The following GIT2 variants were observed in gnomAD, a reference collection of about 807,000 sequenced individuals.
GIT2 encodes ARF GTPase-activating protein GIT2.
Under a neutral mutation model 100.3 loss-of-function variants are expected in GIT2, and 32 were observed. That is an observed-to-expected ratio of 0.32 (90% CI 0.24 to 0.43). The LOEUF is 0.43. Among genes scored for constraint, GIT2 ranks in the 20% least tolerant of loss-of-function variants. The pLI, the probability that GIT2 is intolerant of heterozygous loss-of-function variation, is 1.00. For synonymous variants in GIT2, 353 were observed against 364.1 expected, an observed-to-expected ratio of 0.97 and a Z score of 0.35; for missense variants, 737 against 975.1, an observed-to-expected ratio of 0.76 and a Z score of 3.25.
At chr12:109,990,667 G>A (rs1446103425) in intron 2 of GIT2, among the ~76,000 whole-genome samples, 2 of 152,132 alleles carry the variant, frequency 1.3e-5, no homozygotes, top group Non-Finnish European at 2.9e-5. Flanking sequence ...ACAAATGAAG[G>A]CAAAACACAC....
chr12:109,947,358 C>T lies in GIT2; in HGVS notation c.1539G>A (p.Met513Ile). 6.2e-7 allele frequency: 1 copy of T among 1,614,156 alleles called. No homozygotes were observed. The highest frequency in any genetic ancestry group is 8.5e-7 in the Non-Finnish European group (1 of 1,179,992). Residue 513 changes from methionine (M) to isoleucine (I), a missense_variant, in exon 15 of 20, where the codon ATG becomes ATA. Met to Ile is a conservative substitution (Grantham distance 10). Coordinates refer to ENST00000355312, the MANE Select transcript of GIT2 (RefSeq NM_057169.5). The surrounding 1 kb of genome is among the most constrained non-coding windows in gnomAD (Gnocchi z 4.3). ...GACCTGATCCGGTCTCGTACATGGA[C>T]ATGGGCCTACTGCCCCGGGCAGACG... The part of the protein sequence containing the change: ...RRPSARGSRP[M>I]SMYETGSGQK...
At chr12:109,965,707 C>T (rs1279949115) in intron 8 of GIT2, 130 bp from the exon 9 acceptor site, 3 of 783,086 alleles carry the variant, frequency 3.8e-6, no homozygotes, top group Non-Finnish European at 7.0e-6. Flanking sequence ...AAGCATTCTA[C>T]AGCCCAGTAG....
At chr12:109,980,919 G>C (rs80000006) in intron 7 of GIT2, 33 bp downstream of exon 7, 35,400 of 1,301,120 alleles carry the variant, frequency 0.027, 764 homozygotes, top group African/African-American at 0.099. Context: ...TTCCCAACTG[G>C]AGATGTGAAA....
intron 18 of GIT2, among the ~76,000 whole-genome samples, chr12:109,937,788 C>T (rs1219059871): frequency 2.6e-5 from 4 of 152,162 alleles, no homozygotes; most frequent in African/African-American, 7.2e-5. Context: ...CTGCAACCTC[C>T]GCCTCCAGGG....
Position 109,948,338 on chromosome 12 carries a change from C to T in GIT2, c.1393-834G>A, listed in dbSNP as rs1876899091. ...CTTTGGCTTTGTCACCCAAAAAACA[C>T]GACCTCAGTGGTGTCAGCTTTGAAC... On this transcript the variant is annotated intron_variant, in intron 14 of 19. Transcript: ENST00000355312. This position sits in a 1 kb window ranked among gnomAD's most constrained non-coding sequence, Gnocchi z 4.3. The T allele has an allele frequency of 9.1e-6, 9 of 987,904 alleles. No homozygotes were observed. Among genetic ancestry groups the T allele is most frequent in the Non-Finnish European group, 1.1e-5 (9 of 831,696 alleles). The allele number at this position is 987,904 out of a possible 1,614,324, so 61.2% of individuals were successfully genotyped here.
rs148895485 is a variant in GIT2, at chr12:109,953,048, A to C, written c.1242+44T>G. 9.1e-5 allele frequency: 146 copies of C among 1,607,016 alleles called. No individual in the cohort carries two copies. In the East Asian group the frequency reaches 3.2e-3, roughly 35 times the overall value. The stretch of plus-strand genomic sequence containing the variant: ...AGCAGCTTTGGCAGGGCTAGCCCTC[A>C]GCTGATGCGTGCTTGCCCTTCCATG... On this transcript the variant is annotated intron_variant, in intron 13 of 19. Coordinates refer to ENST00000355312, the MANE Select transcript of GIT2 (RefSeq NM_057169.5).
intron 7 of GIT2, among the ~76,000 whole-genome samples, chr12:109,968,475 G>A (rs1883028907): frequency 6.6e-6 from 1 of 152,204 alleles, no homozygotes; most frequent in Non-Finnish European, 1.5e-5. Flanking sequence ...CCAGGCTGGA[G>A]TGCAATGGCG....
Position 109,947,123 on chromosome 12 carries a change from C to G in GIT2, c.1641+133G>C. The G allele has an allele frequency of 1.2e-6, 1 of 803,790 alleles. No individual in the cohort carries two copies. Among genetic ancestry groups the G allele is most frequent in the South Asian group, 1.7e-5 (1 of 59,126 alleles). The allele number at this position is 803,790 out of a possible 1,614,324, so 49.8% of individuals were successfully genotyped here. On this transcript the variant is annotated intron_variant, in intron 15 of 19. Coordinates refer to ENST00000355312, the MANE Select transcript of GIT2 (RefSeq NM_057169.5). The surrounding 1 kb of genome is among the most constrained non-coding windows in gnomAD (Gnocchi z 4.3). ...GCAAGCATCTGTGGACATGTTAATA[C>G]AGCAAACACAATGGTAACTCTCTTA...
intron 18 of GIT2, among the ~76,000 whole-genome samples, chr12:109,935,843 A>G (rs1288274384): frequency 1.3e-5 from 2 of 152,252 alleles, no homozygotes; most frequent in African/African-American, 4.8e-5. Context: ...AGTCCTCCAC[A>G]CGATAGAAAA....
intron 8 of GIT2, among the ~76,000 whole-genome samples, chr12:109,965,956 T>C (rs1379639349): frequency 2.0e-5 from 3 of 151,160 alleles, no homozygotes; most frequent in Admixed American, 6.6e-5. Flanking sequence ...TCCCAGCACG[T>C]TGGGAGGCCG....
At chr12:109,983,330 A>G in intron 6 of GIT2, 43 bp downstream of exon 6, 1 of 1,590,246 alleles carries the variant, frequency 6.3e-7, no homozygotes, top group East Asian at 2.2e-5. Flanking sequence ...CACACCCAAC[A>G]AAAAAATCCC....
intron 16 of GIT2, among the ~76,000 whole-genome samples, chr12:109,943,856 T>A (rs1565941754): frequency 6.6e-6 from 1 of 151,912 alleles, no homozygotes; most frequent in Non-Finnish European, 1.5e-5. Context: ...CACACCCGGA[T>A]AATTTTTTAT....
rs1392325868 is a variant in GIT2, at chr12:109,989,791, G to A, written c.198C>T (p.Thr66=). ...WPPTLLQMVE[T]LYNNGANSIW... is the part of the protein sequence containing the mutation. ...TAGAGTTAGCACCGTTATTATACAA[G>A]GTCTCAACCATCTAAAACCAAGCAG... The change falls in exon 3 of 20, where the codon ACC becomes ACT. Residue 66 remains threonine, a synonymous_variant. Coordinates refer to ENST00000355312, the MANE Select transcript of GIT2 (RefSeq NM_057169.5). The A allele has an allele frequency of 2.5e-6, 4 of 1,581,732 alleles. No individual in the cohort carries two copies. The South Asian group carries it at 4.4e-5, about 18-fold the overall frequency.
At chr12:109,977,527 T>A (rs954765937) in intron 7 of GIT2, among the ~76,000 whole-genome samples, 8 of 150,696 alleles carry the variant, frequency 5.3e-5, no homozygotes, top group Non-Finnish European at 8.9e-5. Context: ...ATAATAATAA[T>A]AAAAGTATTA....
At chr12:109,982,010 G>T (rs1233654793) in intron 6 of GIT2, 2 of 152,176 alleles carry the variant, frequency 1.3e-5, no homozygotes, top group Non-Finnish European at 2.9e-5. Flanking sequence ...GTGAAATCAG[G>T]AAATGTCCTA....
At chr12:109,978,137 C>A (rs1464485901) in intron 7 of GIT2, among the ~76,000 whole-genome samples, 1 of 133,136 alleles carries the variant, frequency 7.5e-6, no homozygotes, top group Non-Finnish European at 1.5e-5. Flanking sequence ...GGTTGGAGTG[C>A]AGTGGCTCAA....
intron 7 of GIT2, among the ~76,000 whole-genome samples, chr12:109,979,936 T>C (rs754068635): frequency 6.6e-6 from 1 of 152,240 alleles, no homozygotes; most frequent in Non-Finnish European, 1.5e-5. Flanking sequence ...GGCCAAATAG[T>C]AAATATTTTA....
intron 16 of GIT2, among the ~76,000 whole-genome samples, chr12:109,942,044 T>TG (rs1203171125): frequency 2.0e-5 from 3 of 152,066 alleles, no homozygotes; most frequent in Admixed American, 2.0e-4. Context: ...AGCCTGGTCT[T>TG]GAACTCCTGA....
rs186275146 is a variant in GIT2 at position 109,975,864 on chromosome 12, C to A, written c.718+5088G>T. ...TCGGCTCACTGCAACCTCTGCCTCC[C>A]GGGTTCAAGCAATTCTCCTGCCTCA... On this transcript the variant is annotated intron_variant, in intron 7 of 19. Coordinates refer to ENST00000355312, the MANE Select transcript of GIT2 (RefSeq NM_057169.5). Among the ~76,000 whole-genome samples, 87 of 150,930 alleles carry A rather than the reference C, an allele frequency of 5.8e-4. 2 individuals carry two copies. In the South Asian group the frequency reaches 0.017, roughly 29 times the overall value.
Sources: gnomAD v4.1 joint callset for allele counts (sites outside exome capture counted in the v4.1 genomes callset) on GRCh38, gnomAD v4.1.1 for gene constraint, Gnocchi (gnomAD v3.1) non-coding constraint, MANE v1.5 for transcripts, NCBI Gene and HGNC (gene_info 2026-07-23, HGNC 2026-07-21) for gene names.